CAST: variants seen among roughly 807,000 people sequenced by gnomAD.
CAST encodes MIR583 host.
Under a neutral mutation model 119.6 loss-of-function variants are expected in CAST, and 76 were observed. The observed-to-expected ratio is 0.64, with a 90% CI of 0.53 to 0.77. The LOEUF (loss-of-function observed/expected upper bound fraction) is 0.77. CAST is among the 30% of genes least tolerant of loss of function. The pLI, the probability that CAST is intolerant of heterozygous loss-of-function variation, is 0.00. For synonymous variants in CAST, 319 were observed against 331.6 expected, an observed-to-expected ratio of 0.96 and a Z score of 0.41; for missense variants, 953 against 946.5, an observed-to-expected ratio of 1.01 and a Z score of -0.09.
chr5:96,275,104 T>G, the CAST span, among the ~76,000 whole-genome samples: 1 of 152,240 alleles, frequency 6.6e-6, no homozygotes. Context: ...GACCTTTGAT[T>G]TTTAAAGAAA....
intron 6 of CAST, chr5:96,728,543 C>T (rs1759738951): frequency 6.6e-6 from 1 of 151,308 alleles, no homozygotes; most frequent in Non-Finnish European, 1.5e-5. Context: ...GTGGCGCCAT[C>T]TTGGCTCACT....
chr5:96,064,051 A>G, the CAST span, among the ~76,000 whole-genome samples: 22 of 152,274 alleles, frequency 1.4e-4, no homozygotes, highest in African/African-American at 5.3e-4. Flanking sequence ...GTTTATTCTC[A>G]GGTGGAGACA....
At chr5:96,516,995 CTCGATT>C in the CAST span, among the ~76,000 whole-genome samples, 1 of 152,210 alleles carries the variant, frequency 6.6e-6, no homozygotes, top group Non-Finnish European at 1.5e-5. Context: ...GAGCAATCAT[CTCGATT>C]TCCCCAGCTC....
the CAST span, among the ~76,000 whole-genome samples, chr5:96,126,656 A>G: frequency 5.3e-5 from 8 of 152,142 alleles, no homozygotes; most frequent in African/African-American, 1.9e-4. Flanking sequence ...AAACTAGGGC[A>G]TCCTAAAATC....
chr5:96,678,629 G>T (rs151223987), intron 2 of CAST, among the ~76,000 whole-genome samples: 3 of 151,758 alleles, frequency 2.0e-5, no homozygotes, highest in Non-Finnish European at 4.4e-5. Flanking sequence ...CAGATCACAA[G>T]GTCAGGAGAT....
chr5:96,730,858 A>G lies in CAST; in HGVS notation c.628A>G (p.Lys210Glu). 1 of 1,611,224 alleles carries G rather than the reference A, an allele frequency of 6.2e-7. No homozygotes were observed. The highest frequency in any genetic ancestry group is 8.5e-7 in the Non-Finnish European group (1 of 1,177,318). ...TGCAATATCTGGCAAGCCGGGTGAC[A>G]AGGTGAGCACACACAAGCAGACGGA... Reference protein sequence around the residue: ...ITAISGKPGDKKKEKKSLTPA... With the variant: ...ITAISGKPGDEKKEKKSLTPA... Residue 210 changes from lysine to glutamate, a missense_variant and splice_region_variant, in exon 9 of 32, where the codon AAG becomes GAG. Transcript: ENST00000675179.
chr5:96,732,231 AT>A (rs1760686364), intron 9 of CAST, among the ~76,000 whole-genome samples: 1 of 139,182 alleles, frequency 7.2e-6, no homozygotes, highest in Non-Finnish European at 1.5e-5. Context: ...TGTGGTTTTG[AT>A]TTGCATTTCT....
chr5:96,292,866 C>A, the CAST span, among the ~76,000 whole-genome samples: 1 of 152,308 alleles, frequency 6.6e-6, no homozygotes, highest in African/African-American at 2.4e-5. Context: ...TCACTTAAAG[C>A]CTGTATACAT....
chr5:95,964,919 C>T, the CAST span: 1 of 152,248 alleles, frequency 6.6e-6, no homozygotes, highest in African/African-American at 2.4e-5. Flanking sequence ...CTCCATCTCT[C>T]ATGTCTAGTA....
intron 1 of CAST, among the ~76,000 whole-genome samples, chr5:96,640,195 G>T (rs1448669267): frequency 6.6e-6 from 1 of 152,152 alleles, no homozygotes; most frequent in African/African-American, 2.4e-5. Context: ...AGGCATGTTA[G>T]CCAGTGGAGA....
the CAST span, among the ~76,000 whole-genome samples, chr5:96,016,829 GT>G: frequency 0.011 from 1,084 of 97,696 alleles, 1 homozygote; most frequent in African/African-American, 0.038. Flanking sequence ...GGTTATCTGG[GT>G]TTTTTTTTTT....
At chr5:96,684,056 T>A (rs1046047751) in intron 2 of CAST, among the ~76,000 whole-genome samples, 27 of 152,124 alleles carry the variant, frequency 1.8e-4, no homozygotes, top group Admixed American at 5.2e-4. Context: ...ACATTCTGAG[T>A]GTAGGGTTTA....
At chr5:96,000,291 CAT>C in the CAST span, among the ~76,000 whole-genome samples, 34 of 152,158 alleles carry the variant, frequency 2.2e-4, no homozygotes, top group African/African-American at 7.9e-4. Context: ...TTTTATGGAA[CAT>C]GTTTTTAGTT....
At chr5:95,966,987 T>C in the CAST span, among the ~76,000 whole-genome samples, 1 of 152,190 alleles carries the variant, frequency 6.6e-6, no homozygotes, top group Non-Finnish European at 1.5e-5. Context: ...AATTGTTTTA[T>C]GGCTATTCAG....
At chr5:96,180,423 C>T in the CAST span, among the ~76,000 whole-genome samples, 1 of 152,138 alleles carries the variant, frequency 6.6e-6, no homozygotes, top group Non-Finnish European at 1.5e-5. Context: ...TCTCTGGGAC[C>T]ATATGTAGAG....
the CAST span, among the ~76,000 whole-genome samples, chr5:96,259,708 C>T: frequency 6.6e-6 from 1 of 152,088 alleles, no homozygotes; most frequent in East Asian, 1.9e-4. Flanking sequence ...TCCTCTTTCT[C>T]TTCTCCTTCG....
At chr5:96,189,357 G>A in the CAST span, among the ~76,000 whole-genome samples, 1 of 152,056 alleles carries the variant, frequency 6.6e-6, no homozygotes, top group Non-Finnish European at 1.5e-5. Flanking sequence ...TTGCTATTTG[G>A]CTGGGGATAT....
chr5:96,651,924 T>C (rs1187812940), intron 1 of CAST, among the ~76,000 whole-genome samples: 1 of 152,222 alleles, frequency 6.6e-6, no homozygotes, highest in Non-Finnish European at 1.5e-5. Context: ...CACACATATT[T>C]AATCTGTGTG....
At chr5:96,300,886 G>A in the CAST span, among the ~76,000 whole-genome samples, 1 of 58,720 alleles carries the variant, frequency 1.7e-5, no homozygotes, top group Admixed American at 1.9e-4. Context: ...TTGTTCTCTT[G>A]ATTTTGTTTT....
Sources: gnomAD v4.1 joint callset for allele counts (sites outside exome capture counted in the v4.1 genomes callset) on GRCh38, gnomAD v4.1.1 for gene constraint, MANE v1.5 for transcripts, NCBI Gene and HGNC (gene_info 2026-07-23, HGNC 2026-07-21) for gene names.